Variants in FUT8 observed in about 807,000 individuals in gnomAD.
The protein encoded by FUT8 is alpha-(1,6)-fucosyltransferase.
FUT8 carries 29 observed loss-of-function variants against 71.3 expected under a neutral mutation model. The ratio of observed to expected loss-of-function variants is 0.41; its 90% CI spans 0.30 to 0.55. The LOEUF (loss-of-function observed/expected upper bound fraction) is 0.55, where lower values mean the gene tolerates loss of function less well. Ranked by LOEUF, FUT8 falls within the 20% of genes least tolerant of loss-of-function variation. The pLI, the probability that FUT8 is intolerant of heterozygous loss-of-function variation, is 0.34. For missense variants in FUT8, 544 were observed against 702.1 expected, an observed-to-expected ratio of 0.77 and a Z score of 2.55; for synonymous variants, 254 against 239.3, an observed-to-expected ratio of 1.06 and a Z score of -0.57.
chr14:65,443,470 C>T (rs922733077), intron 1 of FUT8, among the ~76,000 whole-genome samples: 19 of 150,414 alleles, frequency 1.3e-4, no homozygotes, highest in African/African-American at 2.4e-4. Context: ...CCTATGATCC[C>T]GCACTTTGGG....
the FUT8 span, among the ~76,000 whole-genome samples, chr14:65,399,089 T>C: frequency 1.3e-5 from 2 of 152,132 alleles, no homozygotes; most frequent in Non-Finnish European, 2.9e-5. Flanking sequence ...GAGGCCAAAG[T>C]GGGTGGATCA....
rs73282289 is a variant in FUT8, at chr14:65,424,009, A to G, written c.-326+10795A>G. On this transcript the variant is annotated intron_variant, in intron 1 of 10. Transcript: ENST00000673929. ...CAGACCTCAATCTACAGTACGTATC[A>G]AGCAATTCACCTTTTTCTTGTAATG... Among the ~76,000 whole-genome samples the G allele has an allele frequency of 9.3e-3, 1,417 of 152,310 alleles. 22 individuals are homozygous for G. The highest frequency in any genetic ancestry group is 0.033 in the African/African-American group (1,355 of 41,558).
At chr14:65,559,160 A>G (rs899810325) in intron 2 of FUT8, among the ~76,000 whole-genome samples, 1 of 152,106 alleles carries the variant, frequency 6.6e-6, no homozygotes, top group Non-Finnish European at 1.5e-5. Flanking sequence ...TATTATTTAA[A>G]TTACTCTTTT....
At chr14:65,692,214 G>C (rs1566898694) in intron 7 of FUT8, among the ~76,000 whole-genome samples, 2 of 151,302 alleles carry the variant, frequency 1.3e-5, no homozygotes, top group African/African-American at 4.9e-5. Flanking sequence ...GGACGGGGCG[G>C]CTGGCCAGGC....
Position 65,736,092 on chromosome 14 carries a change from G to A in FUT8, c.1410+2711G>A, listed in dbSNP as rs554102866. ...TTGCATCCAACTTTGACCAATTACT[G>A]GCTGTGTGTCCTTGAACAAATTGCT... On this transcript the variant is annotated intron_variant, in intron 10 of 10. Coordinates refer to ENST00000673929, the MANE Select transcript of FUT8 (RefSeq NM_001371533.1). Among the ~76,000 whole-genome samples, 33 of 152,118 alleles carry A rather than the reference G, an allele frequency of 2.2e-4. No homozygotes were observed. The South Asian group carries it at 5.2e-3, about 24-fold the overall frequency.
Position 65,472,200 on chromosome 14 carries a change from A to C in FUT8, c.-228+16482A>C, listed in dbSNP as rs2066157995. Reference sequence around the variant, plus strand: ...CTTAGGCTACTTCCACTGATAGCAGAAGGCAAAGAGGTGCCAGCTTGTGCA... The same window carrying C: ...CTTAGGCTACTTCCACTGATAGCAGCAGGCAAAGAGGTGCCAGCTTGTGCA... On this transcript the variant is annotated intron_variant, in intron 2 of 10. Coordinates refer to ENST00000673929, the MANE Select transcript of FUT8 (RefSeq NM_001371533.1). The surrounding 1 kb of genome is among the most constrained non-coding windows in gnomAD (Gnocchi z 4.4). Among the ~76,000 whole-genome samples the C allele has an allele frequency of 6.6e-6, 1 of 152,198 alleles. No individual in the cohort carries two copies. The highest frequency in any genetic ancestry group is 6.5e-5 in the Admixed American group (1 of 15,276).
At chr14:65,404,927 A>G in the FUT8 span, among the ~76,000 whole-genome samples, 3 of 152,270 alleles carry the variant, frequency 2.0e-5, no homozygotes, top group Non-Finnish European at 2.9e-5. Flanking sequence ...ATATAACAGT[A>G]AAACCTAGAT....
At chr14:65,573,991 T>C (rs1300690638) in intron 3 of FUT8, among the ~76,000 whole-genome samples, 1 of 152,176 alleles carries the variant, frequency 6.6e-6, no homozygotes, top group Non-Finnish European at 1.5e-5. Context: ...GTCTCTGCTT[T>C]GGGGTCCCTC....
chr14:65,693,600 T>C (rs1039568534), intron 7 of FUT8, among the ~76,000 whole-genome samples: 3 of 152,242 alleles, frequency 2.0e-5, no homozygotes, highest in Admixed American at 1.3e-4. Flanking sequence ...GATTTGCTAA[T>C]ATTTTGTTGA....
At chr14:65,366,314 T>A in the FUT8 span, among the ~76,000 whole-genome samples, 1 of 152,178 alleles carries the variant, frequency 6.6e-6, no homozygotes, top group East Asian at 1.9e-4. Flanking sequence ...TACTATAGAC[T>A]GAGTAGTCAG....
At chr14:65,544,961 C>T (rs1443303540) in intron 2 of FUT8, among the ~76,000 whole-genome samples, 2 of 151,734 alleles carry the variant, frequency 1.3e-5, no homozygotes, top group Admixed American at 6.6e-5. Flanking sequence ...CTCTTCTTCT[C>T]TCTTTTCATC....
intron 6 of FUT8, among the ~76,000 whole-genome samples, chr14:65,633,668 C>T (rs1321726916): frequency 6.6e-6 from 1 of 151,728 alleles, no homozygotes; most frequent in African/African-American, 2.4e-5. Context: ...TCTGCCCGGC[C>T]ACGACCCCGT....
Position 65,652,996 on chromosome 14 carries a change from AAAG to A in FUT8, c.598-16246_598-16244del, listed in dbSNP as rs1348376145. Among the ~76,000 whole-genome samples the A allele has an allele frequency of 6.6e-6, 1 of 152,196 alleles. No individual in the cohort carries two copies. The highest frequency in any genetic ancestry group is 1.5e-5 in the Non-Finnish European group (1 of 68,032). ...TTTTTACAAGGTAGCTGAGGGCTCC[AAAG>A]GTAGTCACTTCAAGAGGCAGAGATA... is the stretch of plus-strand genomic sequence containing the variant. On this transcript the variant is annotated intron_variant, in intron 6 of 10. Coordinates refer to ENST00000673929, the MANE Select transcript of FUT8 (RefSeq NM_001371533.1). This position sits in a 1 kb window ranked among gnomAD's most constrained non-coding sequence, Gnocchi z 4.0.
chr14:65,445,079 C>T (rs545137607), intron 1 of FUT8, among the ~76,000 whole-genome samples: 77 of 152,118 alleles, frequency 5.1e-4, no homozygotes, highest in Non-Finnish European at 8.7e-4. Context: ...TGGTGGTGAG[C>T]GCTTGTAATC....
intron 10 of FUT8, among the ~76,000 whole-genome samples, chr14:65,740,740 A>C (rs942358756): frequency 2.6e-5 from 4 of 152,038 alleles, no homozygotes; most frequent in African/African-American, 9.6e-5. Context: ...CCACAGCATC[A>C]AGGGGTGATG....
At chr14:65,548,827 T>C (rs113365801) in intron 2 of FUT8, among the ~76,000 whole-genome samples, 3,767 of 152,162 alleles carry the variant, frequency 0.025, 158 homozygotes, top group African/African-American at 0.085. Flanking sequence ...GAAAATCATA[T>C]ATTTGATAAA....
the FUT8 span, among the ~76,000 whole-genome samples, chr14:65,392,079 T>C: frequency 6.6e-6 from 1 of 152,084 alleles, no homozygotes; most frequent in African/African-American, 2.4e-5. Flanking sequence ...ATTACAGGCA[T>C]GTGCCACCAC....
intron 2 of FUT8, among the ~76,000 whole-genome samples, chr14:65,553,626 G>A (rs1214255610): frequency 6.6e-6 from 1 of 150,842 alleles, no homozygotes; most frequent in Non-Finnish European, 1.5e-5. Flanking sequence ...TTTTTTTCTG[G>A]AAGAGTTTTG....
At chr14:65,521,490 C>G (rs1194341377) in intron 2 of FUT8, among the ~76,000 whole-genome samples, 1 of 152,058 alleles carries the variant, frequency 6.6e-6, no homozygotes, top group Non-Finnish European at 1.5e-5. Flanking sequence ...GGGAAGATGC[C>G]ATTTTTATAT....
Sources: gnomAD v4.1 joint callset for allele counts (sites outside exome capture counted in the v4.1 genomes callset) on GRCh38, gnomAD v4.1.1 for gene constraint, Gnocchi (gnomAD v3.1) non-coding constraint, MANE v1.5 for transcripts, NCBI Gene and HGNC (gene_info 2026-07-23, HGNC 2026-07-21) for gene names.